The following TDRD9 variants were observed in gnomAD, a reference collection of about 807,000 sequenced individuals.
The protein encoded by TDRD9 is tudor domain containing 9.
A neutral mutation model predicts 172.6 loss-of-function variants in TDRD9; 124 were observed. The observed-to-expected ratio is 0.72, with a 90% confidence interval of 0.62 to 0.83. TDRD9 has a LOEUF of 0.83. TDRD9 is among the 40% of genes least tolerant of loss of function. The pLI is 0.00. For synonymous variants in TDRD9, 619 were observed against 617.1 expected (o/e 1.00, Z -0.05); for missense variants, 1,479 against 1,714.1 (o/e 0.86, Z 2.42).
chr14:103,934,740 C>T (rs2152115415), intron 1 of TDRD9, among the ~76,000 whole-genome samples: 1 of 152,318 alleles, frequency 6.6e-6, no homozygotes, highest in Non-Finnish European at 1.5e-5. Flanking sequence ...TGAGATGGCG[C>T]CACTGCACTC....
chr14:103,933,663 C>T (rs1020266184), intron 1 of TDRD9, among the ~76,000 whole-genome samples: 1 of 152,208 alleles, frequency 6.6e-6, no homozygotes, highest in Non-Finnish European at 1.5e-5. Context: ...CTGCCTCGGC[C>T]TCCCAAAGTG....
intron 32 of TDRD9, among the ~76,000 whole-genome samples, chr14:104,035,513 C>T (rs2035424955): frequency 6.6e-6 from 1 of 152,206 alleles, no homozygotes; most frequent in Admixed American, 6.5e-5. Context: ...CACGATTAAG[C>T]CAGGATTTCT....
rs144526786 is a variant in TDRD9 at position 103,937,175 on chromosome 14, C to T, written c.215+8451C>T. 1.7e-3 allele frequency among the ~76,000 whole-genome samples: 266 copies of T among 152,284 alleles called. 2 individuals are homozygous for T. The highest frequency in any genetic ancestry group is 6.0e-3 in the African/African-American group (251 of 41,560). On this transcript the variant is annotated intron_variant, in intron 1 of 35. Transcript: ENST00000409874. The stretch of plus-strand genomic sequence containing the variant: ...GCACATGTGTGATCTCCTGTGGCAT[C>T]GACTGCTGTTAGGATAAAATTTCAT...
intron 7 of TDRD9, among the ~76,000 whole-genome samples, chr14:103,983,424 T>C (rs971844243): frequency 2.6e-5 from 4 of 152,112 alleles, no homozygotes; most frequent in Non-Finnish European, 5.9e-5. Context: ...TAAGTAAAAA[T>C]TGGAAAAAAA....
intron 1 of TDRD9, among the ~76,000 whole-genome samples, chr14:103,937,544 A>G (rs1258256866): frequency 6.6e-6 from 1 of 152,064 alleles, no homozygotes; most frequent in African/African-American, 2.4e-5. Context: ...TCCTGCCTCC[A>G]TCCAGTCTTG....
At chr14:104,022,812 G>A (rs2035003294) in intron 24 of TDRD9, among the ~76,000 whole-genome samples, 1 of 152,064 alleles carries the variant, frequency 6.6e-6, no homozygotes, top group Non-Finnish European at 1.5e-5. Flanking sequence ...AATCCTGGTT[G>A]CATCATCTCC....
At position 103,965,443 on chromosome 14, in the gene TDRD9, C is replaced by T. The variant is rs201249896; in HGVS notation, c.531C>T (p.Ser177=). ...TCTTGGACCACTACGTTCAGCGCTC[C>T]GCCTACTGCAGCATTGTGGTCACCC... ...QYILDHYVQR[S]AYCSIVVTQP... is the part of the protein sequence containing the mutation. Residue 177 remains serine, a synonymous_variant, in exon 4 of 36, where the codon TCC becomes TCT. Transcript: ENST00000409874. The T allele has an allele frequency of 2.0e-4, 309 of 1,551,538 alleles. 2 individuals are homozygous for T. The highest frequency in any genetic ancestry group is 1.2e-4 in the African/African-American group (9 of 73,100).
Position 103,955,607 on chromosome 14 carries a change from C to T in TDRD9, c.216-57C>T. 3.6e-6 allele frequency: 5 copies of T among 1,378,892 alleles called. 1 individual carries two copies. The South Asian group carries it at 6.6e-5, about 18-fold the overall frequency. The allele number at this position is 1,378,892 out of a possible 1,614,324, so 85.4% of individuals were successfully genotyped here. A position where few individuals can be genotyped will look rare whatever the true frequency, so the allele number is the denominator to read the frequency against. On this transcript the variant is annotated intron_variant, in intron 1 of 35. Coordinates refer to ENST00000409874, the MANE Select transcript of TDRD9 (RefSeq NM_153046.3). ...CTTAATGTGAAAAACTTGTCTAGTA[C>T]ACAAGGGTTTCTTGGCTTTTTGGAA...
At chr14:103,965,685 C>T in intron 4 of TDRD9, 131 bp downstream of exon 4, 1 of 823,412 alleles carries the variant, frequency 1.2e-6, no homozygotes, top group Non-Finnish European at 1.9e-6. Flanking sequence ...TGTCTCATGC[C>T]TGTAATCCCA....
chr14:103,933,672 T>C (rs2030553747), intron 1 of TDRD9, among the ~76,000 whole-genome samples: 1 of 152,142 alleles, frequency 6.6e-6, no homozygotes, highest in African/African-American at 2.4e-5. Context: ...CCTCCCAAAG[T>C]GCTGGGATTA....
At position 103,998,661 on chromosome 14, in the gene TDRD9, TGAA is replaced by T; in HGVS notation, c.1419_1421del (p.Glu473del). On this transcript the variant is annotated inframe_deletion, in exon 13 of 36. Coordinates refer to ENST00000409874, the MANE Select transcript of TDRD9 (RefSeq NM_153046.3). ...GTTTGACTAGAACTTTGGTCTGTGATGAAGATACAAATTATCAGAGTCTGCGAT... is the reference window on the plus strand; with the variant it reads ...GTTTGACTAGAACTTTGGTCTGTGATGATACAAATTATCAGAGTCTGCGAT... 6.2e-7 allele frequency: 1 copy of T among 1,611,764 alleles called. No individual in the cohort carries two copies. Among genetic ancestry groups the T allele is most frequent in the Non-Finnish European group, 8.5e-7 (1 of 1,177,856 alleles).
chr14:104,001,859 G>A (rs1223128213), intron 13 of TDRD9, among the ~76,000 whole-genome samples: 1 of 151,970 alleles, frequency 6.6e-6, no homozygotes, highest in African/African-American at 2.4e-5. Flanking sequence ...TGCCTGCCTA[G>A]GCTTCCCAAA....
intron 34 of TDRD9, among the ~76,000 whole-genome samples, chr14:104,047,791 C>T (rs897251042): frequency 1.3e-5 from 2 of 152,256 alleles, no homozygotes; most frequent in South Asian, 2.1e-4. Context: ...CTCAGGTCGA[C>T]GTGGATGCGG....
chr14:104,016,098 G>C lies in TDRD9; in HGVS notation c.2331+10G>C. ...CAAGACAACTGTCGTGGTAGGTGCT[G>C]GGGGCAGGCCGTCCTCTCTGGGGTG... On this transcript the variant is annotated intron_variant, in intron 22 of 35. Transcript: ENST00000409874. 4 of 1,580,538 alleles carry C rather than the reference G, an allele frequency of 2.5e-6. No homozygotes were observed. Among genetic ancestry groups the C allele is most frequent in the Non-Finnish European group, 3.4e-6 (4 of 1,160,088 alleles).
chr14:103,971,351 G>C (rs1244771413), intron 6 of TDRD9, among the ~76,000 whole-genome samples: 3 of 143,708 alleles, frequency 2.1e-5, no homozygotes, highest in Middle Eastern at 4.5e-3. Context: ...GTTGCCCAGG[G>C]TGGAGTGCAG....
At chr14:103,966,496 A>G (rs1457220258) in intron 4 of TDRD9, among the ~76,000 whole-genome samples, 1 of 152,202 alleles carries the variant, frequency 6.6e-6, no homozygotes, top group African/African-American at 2.4e-5. Flanking sequence ...TAAAAATGTT[A>G]TAGCAGTGTG....
rs1244075755 is a variant in TDRD9 at position 104,052,606 on chromosome 14, A to AAATTTTG, written c.*524_*525insAATTTTG. On this transcript the variant is annotated 3_prime_UTR_variant, in exon 36 of 36. Transcript: ENST00000409874. The stretch of plus-strand genomic sequence containing the variant: ...CTTCTTGGTTCACATTTTGGAAATC[A>AAATTTTG]GAGATTACAGATTACATGGCCATAG... 2 of 152,710 alleles carry AAATTTTG rather than the reference A, an allele frequency of 1.3e-5. No individual in the cohort carries two copies. Among genetic ancestry groups the AAATTTTG allele is most frequent in the African/African-American group, 2.4e-5 (1 of 41,472 alleles). The allele number at this position is 152,710 out of a possible 1,614,324, so 9.5% of individuals were successfully genotyped here.
chr14:104,004,347 T>C lies in TDRD9; in HGVS notation c.1581+12T>C. On this transcript the variant is annotated intron_variant, in intron 14 of 35. Transcript: ENST00000409874. ...TTCCTGAGATGTTGGTAATTCACTT[T>C]GGTCATTGTCAAAGTTTATTTATTT... 7.1e-7 allele frequency: 1 copy of C among 1,407,552 alleles called. No individual in the cohort carries two copies. The highest frequency in any genetic ancestry group is 1.0e-6 in the Non-Finnish European group (1 of 998,912). 87.2% of individuals were successfully genotyped at this position (1,407,552 alleles called of 1,614,324 possible).
At chr14:103,957,317 T>C (rs1207420230) in intron 2 of TDRD9, among the ~76,000 whole-genome samples, 1 of 152,276 alleles carries the variant, frequency 6.6e-6, no homozygotes, top group Non-Finnish European at 1.5e-5. Context: ...TTTGGCCTGA[T>C]GTCTCCTTGC....
Sources: gnomAD v4.1 joint callset for allele counts (sites outside exome capture counted in the v4.1 genomes callset) on GRCh38, gnomAD v4.1.1 for gene constraint, MANE v1.5 for transcripts, NCBI Gene and HGNC (gene_info 2026-07-23, HGNC 2026-07-21) for gene names.